The following PIP5K1A variants were observed in gnomAD, a reference collection of about 807,000 sequenced individuals.
PIP5K1A encodes phosphatidylinositol-4-phosphate 5-kinase type 1 alpha, also known as phosphatidylinositol 4-phosphate 5-kinase type-1 alpha.
In PIP5K1A, 46 loss-of-function variants were observed where a neutral mutation model predicts 72.9. The ratio of observed to expected loss-of-function variants is 0.63; its 90% CI spans 0.50 to 0.81. The LOEUF is 0.81. Ranked by LOEUF, PIP5K1A falls within the 30% of genes least tolerant of loss-of-function variation. The probability of loss-of-function intolerance (pLI) is 0.00; values close to 1 mark genes in which losing one functional copy is unlikely to be tolerated. For synonymous variants in PIP5K1A, 228 were observed against 255.1 expected, an observed-to-expected ratio of 0.89 and a Z score of 1.01; for missense variants, 458 against 706.1, an observed-to-expected ratio of 0.65 and a Z score of 3.98.
chr1:151,200,908 C>T (rs1685131700), intron 1 of PIP5K1A, among the ~76,000 whole-genome samples: 1 of 152,236 alleles, frequency 6.6e-6, no homozygotes, highest in South Asian at 2.1e-4. Flanking sequence ...CGGCTCACTG[C>T]AAGCTCTGCC....
At chr1:151,199,267 A>C (rs922662281) in intron 1 of PIP5K1A, 186 bp downstream of exon 1, 15 of 1,222,026 alleles carry the variant, frequency 1.2e-5, no homozygotes, top group Non-Finnish European at 1.7e-5. Flanking sequence ...TTTGATTAAG[A>C]AGTTGTCGAA....
intron 1 of PIP5K1A, among the ~76,000 whole-genome samples, chr1:151,216,938 A>C (rs61817976): frequency 6.3e-5 from 9 of 143,792 alleles, no homozygotes; most frequent in South Asian, 4.5e-4. Flanking sequence ...TTTGAGACGG[A>C]GTCTCGCTCT....
chr1:151,237,107 G>T (rs587659175), intron 9 of PIP5K1A, among the ~76,000 whole-genome samples: 4 of 152,162 alleles, frequency 2.6e-5, no homozygotes, highest in African/African-American at 7.2e-5. Flanking sequence ...AGGGATTACA[G>T]GCGTGAGCCA....
intron 1 of PIP5K1A, among the ~76,000 whole-genome samples, chr1:151,204,061 T>A (rs921900493): frequency 2.0e-5 from 3 of 152,152 alleles, no homozygotes; most frequent in Non-Finnish European, 4.4e-5. Flanking sequence ...TTGGGACTTT[T>A]ATAGTAGGGA....
In PIP5K1A at chr1:151,198,724, C is replaced by T. The variant is rs587661025; in HGVS notation, c.-273C>T. ...TCCCAGCAGCCAGCTTAAGCTTACT[C>T]TTCTGTGAAAGGGGAAAGTATCCCC... On this transcript the variant is annotated 5_prime_UTR_variant, in exon 1 of 16. Transcript: ENST00000368888. 2 of 527,758 alleles carry T rather than the reference C, an allele frequency of 3.8e-6. No homozygotes were observed. Among genetic ancestry groups the T allele is most frequent in the Admixed American group, 3.1e-5 (1 of 31,930 alleles). 32.7% of individuals were successfully genotyped at this position (527,758 alleles called of 1,614,324 possible). A position where few individuals can be genotyped will look rare whatever the true frequency, so the allele number is the denominator to read the frequency against.
At chr1:151,224,149 ATG>A in intron 1 of PIP5K1A, 94 bp from the exon 2 acceptor site, 1 of 1,080,012 alleles carries the variant, frequency 9.3e-7, no homozygotes, top group Non-Finnish European at 1.4e-6. Flanking sequence ...GTTTATACTT[ATG>A]TTTAGTTTGA....
upstream of PIP5K1A, among the ~76,000 whole-genome samples, chr1:151,196,970 C>T (rs1684607929): frequency 6.6e-6 from 1 of 151,466 alleles, no homozygotes; most frequent in Non-Finnish European, 1.5e-5. Flanking sequence ...AAGCGATTCT[C>T]CTGCCTCAGC....
In PIP5K1A at chr1:151,199,033, G is replaced by T. The variant is rs1684814772; in HGVS notation, c.37G>T (p.Gly13Cys). The T allele has an allele frequency of 6.2e-7, 1 of 1,614,202 alleles. No homozygotes were observed. The highest frequency in any genetic ancestry group is 8.5e-7 in the Non-Finnish European group (1 of 1,180,032). Reference protein sequence around the residue: ...SASSGPSSSVGFSSFDPAVPS... With the variant: ...SASSGPSSSVCFSSFDPAVPS... ...CTCCTCCGGGCCGTCGTCTTCGGTC[G>T]GTTTTTCATCCTTTGATCCCGCGGT... is the stretch of plus-strand genomic sequence containing the variant. Residue 13 changes from glycine (G) to cysteine (C), a missense_variant, in exon 1 of 16, where the codon GGT (glycine) becomes TGT (cysteine). Transcript: ENST00000368888.
chr1:151,227,261 G>T, intron 3 of PIP5K1A, 59 bp from the exon 4 acceptor site: 1 of 953,162 alleles, frequency 1.0e-6, no homozygotes, highest in African/African-American at 1.6e-5. Flanking sequence ...ATGTACCATT[G>T]TGGTAGCTAT....
intron 9 of PIP5K1A, 47 bp downstream of exon 9, chr1:151,236,810 A>AATTTT: frequency 1.1e-6 from 1 of 903,704 alleles, no homozygotes; most frequent in Non-Finnish European, 1.6e-6. Context: ...GGCCCACAGC[A>AATTTT]CTTTTCTTTT....
chr1:151,213,536 G>A (rs1378562289), intron 1 of PIP5K1A: 3 of 152,140 alleles, frequency 2.0e-5, no homozygotes, highest in African/African-American at 7.2e-5. Flanking sequence ...TCTCTTATAT[G>A]TGCTGATACA....
intron 1 of PIP5K1A, among the ~76,000 whole-genome samples, chr1:151,219,877 G>A (rs1468223251): frequency 4.0e-5 from 5 of 123,766 alleles, no homozygotes; most frequent in Admixed American, 3.7e-4. Context: ...TTTTTGCCGA[G>A]ATGGGGTCTC....
chr1:151,204,826 C>T (rs888856207), intron 1 of PIP5K1A, among the ~76,000 whole-genome samples: 3 of 152,158 alleles, frequency 2.0e-5, no homozygotes, highest in African/African-American at 7.2e-5. Context: ...GACACTCAAG[C>T]CCATTGTCAG....
intron 9 of PIP5K1A, among the ~76,000 whole-genome samples, chr1:151,237,586 G>C (rs1691067868): frequency 6.6e-6 from 1 of 152,094 alleles, no homozygotes. Context: ...CTTGAGCCCA[G>C]GAGGTCAAGG....
chr1:151,239,148 G>A lies in PIP5K1A; in HGVS notation c.1248G>A (p.Glu416=). The A allele has an allele frequency of 6.8e-6, 11 of 1,611,374 alleles. No individual in the cohort carries two copies. Among genetic ancestry groups the A allele is most frequent in the Non-Finnish European group, 9.3e-6 (11 of 1,177,598 alleles). ...CTTGCAGGTTTGTTAAGAAGTTGGA[G>A]CACTCTTGGAAAGCCCTGGTACATG... ...LQSYRFVKKL[E]HSWKALVHDG... The change falls in exon 11 of 16, where the codon GAG becomes GAA. Residue 416 remains glutamate (E), a synonymous_variant. Transcript: ENST00000368888.
intron 1 of PIP5K1A, chr1:151,213,607 G>C (rs1395935956): frequency 1.3e-5 from 2 of 152,156 alleles, no homozygotes; most frequent in African/African-American, 4.8e-5. Flanking sequence ...GAGGGTATGA[G>C]AACGTAAGAC....
chr1:151,202,272 TAAGTG>T (rs1193788140), intron 1 of PIP5K1A, among the ~76,000 whole-genome samples: 9 of 152,188 alleles, frequency 5.9e-5, no homozygotes, highest in Admixed American at 5.9e-4. Context: ...CACCAAAACT[TAAGTG>T]GAGTTCAGCT....
At chr1:151,226,885 G>A (rs1689227050) in intron 3 of PIP5K1A, among the ~76,000 whole-genome samples, 1 of 151,754 alleles carries the variant, frequency 6.6e-6, no homozygotes, top group Admixed American at 6.6e-5. Flanking sequence ...AAATTAGTCA[G>A]GTGTGGTGGT....
chr1:151,216,105 T>C (rs752527097), intron 1 of PIP5K1A: 156 of 568,894 alleles, frequency 2.7e-4, no homozygotes, highest in Non-Finnish European at 4.6e-4. Flanking sequence ...TCCCAGCACC[T>C]TGGGAGGCCG....
Sources: allele counts gnomAD v4.1 joint callset (sites outside exome capture counted in the v4.1 genomes callset), GRCh38; gene constraint gnomAD v4.1.1; transcripts MANE v1.5; gene names NCBI Gene and HGNC (gene_info 2026-07-23, HGNC 2026-07-21).